Variants in MTG2 observed in about 807,000 individuals in gnomAD.
MTG2 encodes mitochondrial ribosome associated GTPase 2.
MTG2 carries 23 observed loss-of-function variants against 28.6 expected under a neutral mutation model. The observed-to-expected ratio is 0.80, with a 90% CI of 0.58 to 1.14. The LOEUF is 1.14. Among genes scored for constraint, MTG2 ranks in the 50% most tolerant of loss-of-function variants. The pLI is 0.00. For missense variants in MTG2, 539 were observed against 552.0 expected, an observed-to-expected ratio of 0.98 and a Z score of 0.24; for synonymous variants, 260 against 251.8, an observed-to-expected ratio of 1.03 and a Z score of -0.31.
intron 2 of MTG2, among the ~76,000 whole-genome samples, chr20:62,195,273 C>A (rs1057190450): frequency 1.2e-4 from 19 of 152,188 alleles, no homozygotes; most frequent in Non-Finnish European, 2.5e-4. Flanking sequence ...TTTAAATGAG[C>A]CCTGTTTTCA....
intron 1 of MTG2, among the ~76,000 whole-genome samples, chr20:62,191,059 G>A (rs913792310): frequency 6.6e-6 from 1 of 152,126 alleles, no homozygotes; most frequent in African/African-American, 2.4e-5. Context: ...ATGGAGGCCC[G>A]GTTTCTTATA....
At chr20:62,190,595 C>T (rs968855356) in intron 1 of MTG2, among the ~76,000 whole-genome samples, 6 of 152,206 alleles carry the variant, frequency 3.9e-5, no homozygotes, top group African/African-American at 9.7e-5. Context: ...TAGAATACCT[C>T]GGTGCCTCTT....
At chr20:62,193,686 T>A in intron 2 of MTG2, 62 bp downstream of exon 2, 1 of 1,470,748 alleles carries the variant, frequency 6.8e-7, no homozygotes, top group Non-Finnish European at 9.2e-7. Context: ...AGGGTGTGGT[T>A]TCGGGTCCTC....
At chr20:62,186,412 CTTAATT>C (rs1317050179) in intron 1 of MTG2, among the ~76,000 whole-genome samples, 4 of 151,384 alleles carry the variant, frequency 2.6e-5, no homozygotes, top group Non-Finnish European at 5.9e-5. Context: ...GGGGTTTTTT[CTTAATT>C]TTAATTTACA....
intron 1 of MTG2, among the ~76,000 whole-genome samples, chr20:62,187,630 G>A (rs561732676): frequency 6.6e-6 from 1 of 152,222 alleles, no homozygotes; most frequent in South Asian, 2.1e-4. Context: ...CTGGCATGAA[G>A]TCGTTCCCAG....
intron 1 of MTG2, among the ~76,000 whole-genome samples, chr20:62,183,772 A>G (rs760150205): frequency 4.6e-5 from 7 of 152,362 alleles, no homozygotes; most frequent in Middle Eastern, 6.8e-3. Context: ...GGGGACGGGA[A>G]AGGAGAATTC....
intron 2 of MTG2, 118 bp downstream of exon 2, chr20:62,193,742 G>A: frequency 1.0e-6 from 1 of 963,974 alleles, no homozygotes; most frequent in Non-Finnish European, 1.5e-6. Flanking sequence ...TCTTAGTGAT[G>A]GGGCACGTGG....
chr20:62,194,746 G>C (rs746102430), intron 2 of MTG2, among the ~76,000 whole-genome samples: 2 of 152,222 alleles, frequency 1.3e-5, no homozygotes, highest in Non-Finnish European at 2.9e-5. Flanking sequence ...CTGTGCACGT[G>C]GGCAGAAGCC....
intron 1 of MTG2, among the ~76,000 whole-genome samples, chr20:62,184,643 C>T (rs1321908541): frequency 1.3e-5 from 2 of 152,200 alleles, no homozygotes; most frequent in African/African-American, 2.4e-5. Context: ...CTGCTCCTGC[C>T]TCCAGTCTCT....
intron 1 of MTG2, among the ~76,000 whole-genome samples, chr20:62,183,301 C>T (rs2057760577): frequency 6.6e-6 from 1 of 152,160 alleles, no homozygotes. Context: ...CGGTCCTGCC[C>T]CACTCTCTCC....
chr20:62,199,645 CAAA>C (rs201555286), intron 6 of MTG2, among the ~76,000 whole-genome samples: 20 of 70,846 alleles, frequency 2.8e-4, no homozygotes, highest in Non-Finnish European at 2.8e-4. Context: ...AACTCCATCT[CAAA>C]AAAAAAAAAA....
At chr20:62,183,520 C>CAATAA (rs1418949857) in intron 1 of MTG2, among the ~76,000 whole-genome samples, 1 of 152,204 alleles carries the variant, frequency 6.6e-6, no homozygotes, top group African/African-American at 2.4e-5. Flanking sequence ...GATAAAACAA[C>CAATAA]AATAAAGTTT....
At position 62,195,821 on chromosome 20, in the gene MTG2, A is replaced by G. The variant is rs1222557119; in HGVS notation, c.224A>G (p.Tyr75Cys). 9.3e-6 allele frequency: 15 copies of G among 1,614,104 alleles called. No individual in the cohort carries two copies. In the Admixed American group the frequency reaches 2.5e-4, roughly 27 times the overall value. The change falls in exon 3 of 7, where the codon TAT (tyrosine) becomes TGT (cysteine). Residue 75 changes from tyrosine to cysteine, a missense_variant. Tyr to Cys is a radical substitution (Grantham distance 194). Transcript: ENST00000370823. The stretch of plus-strand genomic sequence containing the variant: ...CTGTAGAAAAGGTACTTTGTGGACT[A>G]TCGGAGAGTGCTTGTCTGTGGAGGA... The part of the protein sequence containing the change: ...EKKLKRYFVD[Y>C]RRVLVCGGNG...
chr20:62,198,550 T>G, intron 4 of MTG2, 84 bp from the exon 5 acceptor site: 2 of 1,426,172 alleles, frequency 1.4e-6, no homozygotes, highest in Non-Finnish European at 1.9e-6. Flanking sequence ...TCTTCTTTCC[T>G]TAGCGCTTGC....
chr20:62,189,283 T>G (rs2057908077), intron 1 of MTG2, among the ~76,000 whole-genome samples: 1 of 151,230 alleles, frequency 6.6e-6, no homozygotes. Context: ...CCAGCTTGGG[T>G]GACAGAGTGA....
rs1359307895 is a variant in MTG2, at chr20:62,198,990, G to A, written c.688-129G>A. On this transcript the variant is annotated intron_variant, in intron 5 of 6. Coordinates refer to ENST00000370823, the MANE Select transcript of MTG2 (RefSeq NM_015666.4). ...TTTCCCATCAGTACACTGCTGACTT[G>A]GTCGTGAGCATGAGCCCTTGTGACT... The A allele has an allele frequency of 2.0e-6, 3 of 1,533,286 alleles. No individual in the cohort carries two copies. In the African/African-American group the frequency reaches 4.1e-5, roughly 21 times the overall value. The allele number at this position is 1,533,286 out of a possible 1,614,324, so 95.0% of individuals were successfully genotyped here. A position where few individuals can be genotyped will look rare whatever the true frequency, so the allele number is the denominator to read the frequency against.
intron 3 of MTG2, 118 bp downstream of exon 3, chr20:62,196,067 C>G (rs2058051650): frequency 2.4e-6 from 3 of 1,258,160 alleles, no homozygotes; most frequent in Non-Finnish European, 3.3e-6. Flanking sequence ...GATCCCAGCA[C>G]TTGGAGAGGC....
chr20:62,183,698 G>A (rs1455173882), intron 1 of MTG2, among the ~76,000 whole-genome samples: 2 of 152,232 alleles, frequency 1.3e-5, no homozygotes, highest in Admixed American at 6.5e-5. Context: ...AATTAGAGGG[G>A]TTGTTGGGCA....
At chr20:62,196,052 C>A in intron 3 of MTG2, 103 bp downstream of exon 3, 1 of 1,407,080 alleles carries the variant, frequency 7.1e-7, no homozygotes, top group Non-Finnish European at 9.6e-7. Flanking sequence ...GTGGCTTATG[C>A]CTGTGATCCC....
Sources: allele counts gnomAD v4.1 joint callset (sites outside exome capture counted in the v4.1 genomes callset), GRCh38; gene constraint gnomAD v4.1.1; transcripts MANE v1.5; gene names NCBI Gene and HGNC (gene_info 2026-07-23, HGNC 2026-07-21).